The following FUT8 variants were observed in gnomAD, a reference collection of about 807,000 sequenced individuals.
The protein encoded by FUT8 is alpha-(1,6)-fucosyltransferase.
Under a neutral mutation model 71.3 loss-of-function variants are expected in FUT8, and 29 were observed. That is an observed-to-expected ratio of 0.41 (90% CI 0.30 to 0.55). FUT8 has a LOEUF of 0.55. Ranked by LOEUF, FUT8 falls within the 20% of genes least tolerant of loss-of-function variation. FUT8 has a pLI of 0.34. For missense variants in FUT8, 544 were observed against 702.1 expected, an observed-to-expected ratio of 0.77 and a Z score of 2.55; for synonymous variants, 254 against 239.3, an observed-to-expected ratio of 1.06 and a Z score of -0.57.
intron 5 of FUT8, among the ~76,000 whole-genome samples, chr14:65,621,855 C>T (rs2092915): frequency 0.062 from 9,442 of 151,980 alleles, 533 homozygotes; most frequent in African/African-American, 0.15. Context: ...GATGGAGTCT[C>T]GCTGTGTCAT....
chr14:65,596,773 T>G (rs1888005180), intron 3 of FUT8, among the ~76,000 whole-genome samples: 1 of 152,220 alleles, frequency 6.6e-6, no homozygotes, highest in African/African-American at 2.4e-5. Context: ...TTGTTTTCTC[T>G]CATAGGACTT....
chr14:65,619,181 G>C (rs778109861), intron 5 of FUT8, among the ~76,000 whole-genome samples: 1 of 152,172 alleles, frequency 6.6e-6, no homozygotes, highest in East Asian at 1.9e-4. Flanking sequence ...AATAGTAGTA[G>C]TAATACTAAG....
upstream of FUT8, chr14:65,412,432 G>A (rs894813755): frequency 1.2e-5 from 5 of 430,232 alleles, no homozygotes; most frequent in Admixed American, 5.0e-5. Context: ...CTCCTCCCGG[G>A]ATCCAGGATC....
the FUT8 span, among the ~76,000 whole-genome samples, chr14:65,361,377 T>C: frequency 1.4e-5 from 2 of 147,194 alleles, no homozygotes; most frequent in African/African-American, 2.6e-5. Flanking sequence ...AAAAAAGCTC[T>C]ATAAATGTAA....
chr14:65,526,414 G>C (rs1408405739), intron 2 of FUT8, among the ~76,000 whole-genome samples: 1 of 152,014 alleles, frequency 6.6e-6, no homozygotes, highest in Non-Finnish European at 1.5e-5. Context: ...CCATTTGCTT[G>C]GTAGATCTTC....
rs1279976699 is a variant in FUT8 at position 65,561,606 on chromosome 14, C to A, written c.43C>A (p.Leu15Ile). The change falls in exon 3 of 11, where the codon CTT becomes ATT. Residue 15 changes from leucine (L) to isoleucine (I), a missense_variant. By Grantham distance (5) the Leu-to-Ile change is conservative. Coordinates refer to ENST00000673929, the MANE Select transcript of FUT8 (RefSeq NM_001371533.1). Reference sequence around the variant, plus strand: ...TTCCTGGCGTTGGATTATGCTCATTCTTTTTGCCTGGGGGACCTTGCTGTT... The same window carrying A: ...TTCCTGGCGTTGGATTATGCTCATTATTTTTGCCTGGGGGACCTTGCTGTT... ...TGSWRWIMLI[L>I]FAWGTLLFYI... 1 of 1,613,540 alleles carries A rather than the reference C, an allele frequency of 6.2e-7. No individual in the cohort carries two copies. The highest frequency in any genetic ancestry group is 1.7e-5 in the Admixed American group (1 of 59,980).
chr14:65,584,808 C>T (rs933857987), intron 3 of FUT8, among the ~76,000 whole-genome samples: 1 of 152,104 alleles, frequency 6.6e-6, no homozygotes, highest in African/African-American at 2.4e-5. Context: ...TACTTAACTC[C>T]TTAGTTTGTG....
At chr14:65,679,592 T>C (rs1460280944) in intron 7 of FUT8, among the ~76,000 whole-genome samples, 1 of 152,200 alleles carries the variant, frequency 6.6e-6, no homozygotes, top group Admixed American at 6.5e-5. Flanking sequence ...ATTGCCTCAT[T>C]GATGAGCATG....
chr14:65,487,813 A>T (rs1038572684), intron 2 of FUT8, among the ~76,000 whole-genome samples: 5 of 152,060 alleles, frequency 3.3e-5, no homozygotes, highest in African/African-American at 1.2e-4. Context: ...TGCTCCTTGC[A>T]TTCTTTGTGC....
chr14:65,585,343 T>C (rs1409707937), intron 3 of FUT8, among the ~76,000 whole-genome samples: 3 of 152,108 alleles, frequency 2.0e-5, no homozygotes, highest in Non-Finnish European at 4.4e-5. Flanking sequence ...TGAGCCACCA[T>C]GGCTGGCTAA....
chr14:65,736,912 C>G (rs1896243613), intron 10 of FUT8, among the ~76,000 whole-genome samples: 1 of 152,058 alleles, frequency 6.6e-6, no homozygotes, highest in Admixed American at 6.6e-5. Flanking sequence ...AACTTTCTGT[C>G]TCCTATACAC....
In FUT8 at chr14:65,580,308, G is replaced by A. The variant is rs140754403; in HGVS notation, c.203+18542G>A. 4.4e-4 allele frequency among the ~76,000 whole-genome samples: 66 copies of A among 151,352 alleles called. 1 individual carries two copies. Among genetic ancestry groups the A allele is most frequent in the Admixed American group, 4.6e-4 (7 of 15,164 alleles). On this transcript the variant is annotated intron_variant, in intron 3 of 10. Coordinates refer to ENST00000673929, the MANE Select transcript of FUT8 (RefSeq NM_001371533.1). The stretch of plus-strand genomic sequence containing the variant: ...ATACTGTAGGCAGTTGTAACATGAT[G>A]GTTAAGTATTTGTGTAAACATATCT...
rs1896580113 is a variant in FUT8 at position 65,742,983 on chromosome 14, G to A, written c.*573G>A. On this transcript the variant is annotated 3_prime_UTR_variant, in exon 11 of 11. Transcript: ENST00000673929. The stretch of plus-strand genomic sequence containing the variant: ...TTTTTTTTTTTAAATAATTGCATCA[G>A]TTCATTGACCTCATCATTAATAAGT... 6.7e-6 allele frequency: 1 copy of A among 149,648 alleles called. No individual in the cohort carries two copies. The highest frequency in any genetic ancestry group is 6.7e-5 in the Admixed American group (1 of 14,988). The allele number at this position is 149,648 out of a possible 1,614,324, so 9.3% of individuals were successfully genotyped here.
At chr14:65,396,174 C>T in the FUT8 span, among the ~76,000 whole-genome samples, 2 of 152,240 alleles carry the variant, frequency 1.3e-5, no homozygotes, top group African/African-American at 4.8e-5. This position sits in a 1 kb window ranked among gnomAD's most constrained non-coding sequence, Gnocchi z 5.5. Flanking sequence ...GACTTTCCCA[C>T]ATTTTCGTCT....
chr14:65,480,188 G>A (rs1465397851), intron 2 of FUT8, among the ~76,000 whole-genome samples: 5 of 151,298 alleles, frequency 3.3e-5, no homozygotes, highest in Admixed American at 6.6e-5. Context: ...CTTTAGAAGT[G>A]CTTATTGACT....
At chr14:65,637,952 C>A (rs549322086) in intron 6 of FUT8, among the ~76,000 whole-genome samples, 106 of 152,240 alleles carry the variant, frequency 7.0e-4, no homozygotes, top group African/African-American at 2.5e-3. Flanking sequence ...CTCATGAGTG[C>A]CTAAGCCAAA....
chr14:65,373,668 C>G, the FUT8 span, among the ~76,000 whole-genome samples: 1 of 152,156 alleles, frequency 6.6e-6, no homozygotes, highest in Non-Finnish European at 1.5e-5. Flanking sequence ...TTGCACGTAC[C>G]ACGGTGGGTC....
chr14:65,511,418 T>G (rs1465878568), intron 2 of FUT8, among the ~76,000 whole-genome samples: 1 of 152,178 alleles, frequency 6.6e-6, no homozygotes, highest in Non-Finnish European at 1.5e-5. Flanking sequence ...TTTAAATATC[T>G]ATTAGATCCG....
chr14:65,461,912 G>A (rs2065974367), intron 2 of FUT8, among the ~76,000 whole-genome samples: 1 of 152,168 alleles, frequency 6.6e-6, no homozygotes, highest in Non-Finnish European at 1.5e-5. Context: ...GAGGGGCGAG[G>A]AAGCAATAAT....
Sources: allele counts gnomAD v4.1 joint callset (sites outside exome capture counted in the v4.1 genomes callset), GRCh38; gene constraint gnomAD v4.1.1; non-coding constraint Gnocchi (gnomAD v3.1); transcripts MANE v1.5; gene names NCBI Gene and HGNC (gene_info 2026-07-23, HGNC 2026-07-21).